The following C19orf38 variants were observed in gnomAD, a reference collection of about 807,000 sequenced individuals.
C19orf38 encodes the protein protein HIDE1.
Under a neutral mutation model 26.6 loss-of-function variants are expected in C19orf38, and 14 were observed. That is an observed-to-expected ratio of 0.53 (90% confidence interval 0.35 to 0.82). The LOEUF is 0.82. C19orf38 is among the 40% of genes least tolerant of loss of function. The pLI, the probability that C19orf38 is intolerant of heterozygous loss-of-function variation, is 0.01. For synonymous variants in C19orf38, 132 were observed against 128.5 expected (o/e 1.03, Z -0.18); for missense variants, 261 against 299.5 (o/e 0.87, Z 0.95).
intron 1 of C19orf38, among the ~76,000 whole-genome samples, chr19:10,842,503 G>A (rs927745007): frequency 2.6e-5 from 4 of 152,002 alleles, no homozygotes; most frequent in Admixed American, 1.3e-4. Flanking sequence ...CTCGTGATCC[G>A]TCGGCCTTGG....
chr19:10,869,664 G>A lies in C19orf38; in HGVS notation c.*297G>A. The A allele has an allele frequency of 2.5e-6, 1 of 398,650 alleles. No individual in the cohort carries two copies. The highest frequency in any genetic ancestry group is 5.0e-5 in the East Asian group (1 of 20,126). The allele number at this position is 398,650 out of a possible 1,614,324, so 24.7% of individuals were successfully genotyped here. ...CCAGCTGGGCCATAAGACGTCCCAG[G>A]TCTCTGCACACCCGTGGAATTCCTC... On this transcript the variant is annotated 3_prime_UTR_variant, in exon 7 of 7. Transcript: ENST00000397820.
At chr19:10,848,736 TC>T (rs1290651339) in intron 1 of C19orf38, among the ~76,000 whole-genome samples, 197 bp downstream of exon 1, 1 of 152,130 alleles carries the variant, frequency 6.6e-6, no homozygotes, top group Non-Finnish European at 1.5e-5. Flanking sequence ...CTTAGGCTCC[TC>T]ATCACCCCCA....
intron 2 of C19orf38, among the ~76,000 whole-genome samples, chr19:10,851,147 T>A (rs2073568151): frequency 6.6e-6 from 1 of 152,166 alleles, no homozygotes; most frequent in African/African-American, 2.4e-5. Context: ...CTCTGCCTCC[T>A]GGTTCAAGCG....
upstream of C19orf38, among the ~76,000 whole-genome samples, chr19:10,844,363 A>G (rs192805621): frequency 6.7e-6 from 1 of 150,118 alleles, no homozygotes; most frequent in African/African-American, 2.5e-5. Flanking sequence ...AGATCGCACC[A>G]CTTCACTCCA....
Position 10,861,584 on chromosome 19 carries a change from C to CT in C19orf38, c.506-1575dup, listed in dbSNP as rs1010313181. 2.4e-4 allele frequency among the ~76,000 whole-genome samples: 35 copies of CT among 146,752 alleles called. 1 individual carries two copies. The highest frequency in any genetic ancestry group is 4.5e-4 in the African/African-American group (18 of 40,358). On this transcript the variant is annotated intron_variant, in intron 5 of 6. Transcript: ENST00000397820. ...GGTCCCCTGAGGAAGTGATGTTTTT[C>CT]TTTTTTTTTTTGAGATGGAGTCTCA...
Position 10,859,976 on chromosome 19 carries a change from C to CT in C19orf38, c.505+18_505+19insT. On this transcript the variant is annotated intron_variant, in intron 5 of 6. Transcript: ENST00000397820. ...CAGCACAGGTCTGTGCCTCCACACT[C>CT]CTGACTCCAGTGGGGAAAGGATTAC... 4 of 1,548,592 alleles carry CT rather than the reference C, an allele frequency of 2.6e-6. No homozygotes were observed. Among genetic ancestry groups the CT allele is most frequent in the Non-Finnish European group, 3.5e-6 (4 of 1,144,022 alleles).
chr19:10,840,265 G>A (rs986393992), intron 1 of C19orf38, among the ~76,000 whole-genome samples: 1 of 152,104 alleles, frequency 6.6e-6, no homozygotes. Context: ...CACCAACCAC[G>A]TATGAGGGTT....
intron 5 of C19orf38, 96 bp downstream of exon 5, chr19:10,860,054 C>T: frequency 5.5e-6 from 7 of 1,278,366 alleles, no homozygotes; most frequent in Non-Finnish European, 7.8e-6. Flanking sequence ...TCTTCTGTGA[C>T]TGCTTGTTCC....
At chr19:10,867,914 A>C (rs1240718472) in intron 6 of C19orf38, among the ~76,000 whole-genome samples, 1 of 151,872 alleles carries the variant, frequency 6.6e-6, no homozygotes, top group African/African-American at 2.4e-5. Context: ...CGACCTCCCA[A>C]AGTGCTGGGA....
chr19:10,854,845 A>C (rs1371344430), intron 2 of C19orf38, among the ~76,000 whole-genome samples: 1 of 151,916 alleles, frequency 6.6e-6, no homozygotes. Flanking sequence ...TCTACCAGCA[A>C]GAGGGGATTT....
At chr19:10,866,047 A>AT (rs1282531869) in intron 6 of C19orf38, among the ~76,000 whole-genome samples, 1 of 149,880 alleles carries the variant, frequency 6.7e-6, no homozygotes, top group African/African-American at 2.5e-5. Context: ...TATTTTATTA[A>AT]TTTTTTGAGA....
chr19:10,851,205 C>T (rs2073568865), intron 2 of C19orf38, among the ~76,000 whole-genome samples: 1 of 152,142 alleles, frequency 6.6e-6, no homozygotes, highest in African/African-American at 2.4e-5. Flanking sequence ...AGGTGTGTGC[C>T]ACCATGCCCG....
rs139511143 is a variant in C19orf38 at position 10,865,301 on chromosome 19, C to G, written c.543+2094C>G. Among the ~76,000 whole-genome samples the G allele has an allele frequency of 3.8e-3, 584 of 152,216 alleles. 3 individuals are homozygous for G. Among genetic ancestry groups the G allele is most frequent in the African/African-American group, 0.013 (534 of 41,540 alleles). ...AGCTGGGATTACAGGCGCCTGCCAT[C>G]GCGCCCGGCTAATTTTTGTATTTTT... On this transcript the variant is annotated intron_variant, in intron 6 of 6. Coordinates refer to ENST00000397820, the MANE Select transcript of C19orf38 (RefSeq NM_001136482.3).
At chr19:10,860,972 G>A (rs1168589776) in intron 5 of C19orf38, among the ~76,000 whole-genome samples, 5 of 151,582 alleles carry the variant, frequency 3.3e-5, no homozygotes, top group Non-Finnish European at 5.9e-5. Context: ...GTGAAACCCT[G>A]TCTCTACTGA....
chr19:10,858,405 A>AG, intron 4 of C19orf38, 62 bp downstream of exon 4: 1 of 1,467,680 alleles, frequency 6.8e-7, no homozygotes, highest in Non-Finnish European at 9.3e-7. Context: ...CTTCCCTGGC[A>AG]GGGTGGGCAC....
In C19orf38 at chr19:10,858,846, A is replaced by G. The variant is rs1401211884; in HGVS notation, c.461+503A>G. On this transcript the variant is annotated intron_variant, in intron 4 of 6. Coordinates refer to ENST00000397820, the MANE Select transcript of C19orf38 (RefSeq NM_001136482.3). Reference sequence around the variant, plus strand: ...TTCTCTCCTCCGAGAGTGGGGAGACATCCTGCTGCCTGGAGATGAAAACCT... The same window carrying G: ...TTCTCTCCTCCGAGAGTGGGGAGACGTCCTGCTGCCTGGAGATGAAAACCT... Among the ~76,000 whole-genome samples the G allele has an allele frequency of 2.6e-5, 4 of 151,906 alleles. No homozygotes were observed. In the East Asian group the frequency reaches 7.8e-4, roughly 29 times the overall value.
chr19:10,845,957 T>C (rs1293090745), upstream of C19orf38, among the ~76,000 whole-genome samples: 2 of 151,218 alleles, frequency 1.3e-5, no homozygotes, highest in Non-Finnish European at 2.9e-5. Context: ...GTCAGGAGGA[T>C]TGCTTGAGCC....
At chr19:10,855,186 T>C (rs1238305081) in intron 2 of C19orf38, among the ~76,000 whole-genome samples, 1 of 151,698 alleles carries the variant, frequency 6.6e-6, no homozygotes, top group Non-Finnish European at 1.5e-5. Flanking sequence ...TACAGGCACG[T>C]AACACCTGGC....
At chr19:10,837,272 G>A (rs1184186081) in intron 1 of C19orf38, among the ~76,000 whole-genome samples, 4 of 152,108 alleles carry the variant, frequency 2.6e-5, no homozygotes, top group South Asian at 2.1e-4. Context: ...AGATAAACCC[G>A]GAAAAGGTTG....
Sources: allele counts gnomAD v4.1 joint callset (sites outside exome capture counted in the v4.1 genomes callset), GRCh38; gene constraint gnomAD v4.1.1; transcripts MANE v1.5; gene names NCBI Gene and HGNC (gene_info 2026-07-23, HGNC 2026-07-21).